The following SLC7A1 variants were observed in gnomAD, a reference collection of about 807,000 sequenced individuals.
SLC7A1 encodes the protein high affinity cationic amino acid transporter 1.
In SLC7A1, 10 loss-of-function variants were observed where a neutral mutation model predicts 53.9. The observed-to-expected ratio is 0.19, with a 90% CI of 0.11 to 0.31. The LOEUF is 0.31. Ranked by LOEUF, SLC7A1 falls within the 10% of genes least tolerant of loss-of-function variation. The probability of loss-of-function intolerance (pLI) is 1.00; values close to 1 mark genes in which losing one functional copy is unlikely to be tolerated. For synonymous variants in SLC7A1, 342 were observed against 338.7 expected, an observed-to-expected ratio of 1.01 and a Z score of -0.11; for missense variants, 525 against 827.2, an observed-to-expected ratio of 0.63 and a Z score of 4.48.
chr13:29,576,668 A>G (rs1386744491), intron 1 of SLC7A1, among the ~76,000 whole-genome samples: 1 of 152,152 alleles, frequency 6.6e-6, no homozygotes, highest in Non-Finnish European at 1.5e-5. Flanking sequence ...GGCTTCCAGG[A>G]CAACAGATGC....
chr13:29,554,825 T>C (rs1051084970), intron 1 of SLC7A1, among the ~76,000 whole-genome samples: 6 of 152,252 alleles, frequency 3.9e-5, no homozygotes, highest in African/African-American at 1.4e-4. Flanking sequence ...CTTTCATACA[T>C]TGATAATTCA....
At chr13:29,534,899 C>T (rs2139102666) in intron 3 of SLC7A1, among the ~76,000 whole-genome samples, 1 of 152,330 alleles carries the variant, frequency 6.6e-6, no homozygotes, top group Non-Finnish European at 1.5e-5. Flanking sequence ...TGTTCAACTT[C>T]AGTTGTAATC....
In SLC7A1 at chr13:29,512,962, G is replaced by A. The variant is rs1883436516; in HGVS notation, c.*1518C>T. On this transcript the variant is annotated 3_prime_UTR_variant, in exon 13 of 13. Transcript: ENST00000380752. ...TAGGAAGAAATGGAAAGGAAACTAAGTTTTGAAAGCAGCATTTCCATTTCC... is the reference window on the plus strand; with the variant it reads ...TAGGAAGAAATGGAAAGGAAACTAAATTTTGAAAGCAGCATTTCCATTTCC... The A allele has an allele frequency of 6.9e-6, 1 of 145,952 alleles. No individual in the cohort carries two copies. Among genetic ancestry groups the A allele is most frequent in the Admixed American group, 6.7e-5 (1 of 14,838 alleles). 9.0% of individuals were successfully genotyped at this position (145,952 alleles called of 1,614,324 possible).
intron 1 of SLC7A1, among the ~76,000 whole-genome samples, chr13:29,554,870 A>G (rs914532703): frequency 1.3e-5 from 2 of 152,182 alleles, no homozygotes; most frequent in East Asian, 1.9e-4. Context: ...TTCACTTTCT[A>G]TGTTGAAAAT....
intron 2 of SLC7A1, among the ~76,000 whole-genome samples, chr13:29,550,683 C>T (rs1441218495): frequency 6.6e-6 from 1 of 152,234 alleles, no homozygotes; most frequent in Non-Finnish European, 1.5e-5. Flanking sequence ...CTTCTCCAGT[C>T]AAGCCTCCAG....
chr13:29,528,001 T>C (rs1049275669), intron 5 of SLC7A1, among the ~76,000 whole-genome samples: 2 of 152,234 alleles, frequency 1.3e-5, no homozygotes, highest in African/African-American at 2.4e-5. Context: ...AGAAGTGGTG[T>C]CTGCATCTGC....
Position 29,509,817 on chromosome 13 carries a change from C to T in SLC7A1, c.*4663G>A, listed in dbSNP as rs1883341001. The T allele has an allele frequency of 6.6e-6, 1 of 152,470 alleles. No homozygotes were observed. Among genetic ancestry groups the T allele is most frequent in the South Asian group, 2.1e-4 (1 of 4,816 alleles). The allele number at this position is 152,470 out of a possible 1,614,324, so 9.4% of individuals were successfully genotyped here. ...TAGAAGAAAATATTTACTGGAGAAACCACAGCTATTCAGGTTTGATAATAA... is the reference window on the plus strand; with the variant it reads ...TAGAAGAAAATATTTACTGGAGAAATCACAGCTATTCAGGTTTGATAATAA... On this transcript the variant is annotated 3_prime_UTR_variant, in exon 13 of 13. Coordinates refer to ENST00000380752, the MANE Select transcript of SLC7A1 (RefSeq NM_003045.5).
chr13:29,527,981 A>T (rs770752042), intron 5 of SLC7A1, among the ~76,000 whole-genome samples: 8 of 152,342 alleles, frequency 5.3e-5, no homozygotes, highest in Middle Eastern at 6.8e-3. Flanking sequence ...CTGATGGAGG[A>T]TGTTTGAGCA....
chr13:29,519,783 A>G (rs1868544733), intron 8 of SLC7A1, among the ~76,000 whole-genome samples: 1 of 151,770 alleles, frequency 6.6e-6, no homozygotes, highest in South Asian at 2.1e-4. Flanking sequence ...TAACATTTGT[A>G]TAGAGAATCC....
At chr13:29,523,975 G>C (rs1338729515) in intron 6 of SLC7A1, among the ~76,000 whole-genome samples, 157 bp downstream of exon 6, 1 of 152,176 alleles carries the variant, frequency 6.6e-6, no homozygotes, top group Non-Finnish European at 1.5e-5. Flanking sequence ...TAATGGTTTG[G>C]GGGTGGGAGG....
intron 12 of SLC7A1, 26 bp downstream of exon 12, chr13:29,516,112 G>C: frequency 6.9e-7 from 1 of 1,456,352 alleles, no homozygotes; most frequent in Non-Finnish European, 9.6e-7. Context: ...CAGGATCTTG[G>C]ACGTGCTGGC....
At chr13:29,581,933 G>T (rs2139184018) in intron 1 of SLC7A1, among the ~76,000 whole-genome samples, 1 of 152,346 alleles carries the variant, frequency 6.6e-6, no homozygotes, top group East Asian at 1.9e-4. Flanking sequence ...TCAGGAATGG[G>T]ATTTTTCTTC....
At chr13:29,577,161 G>A (rs1200831447) in intron 1 of SLC7A1, among the ~76,000 whole-genome samples, 2 of 152,302 alleles carry the variant, frequency 1.3e-5, no homozygotes, top group East Asian at 1.9e-4. Flanking sequence ...CTCAATGGTC[G>A]GATGGGGCAG....
chr13:29,514,038 T>C lies in SLC7A1; in HGVS notation c.*442A>G, dbSNP rs1203095177. Reference sequence around the variant, plus strand: ...TGTGGTACTCATCTGGCTTGATTGCTGGGTGTCTGGGGCTGAGCGGGAAGA... The same window carrying C: ...TGTGGTACTCATCTGGCTTGATTGCCGGGTGTCTGGGGCTGAGCGGGAAGA... On this transcript the variant is annotated 3_prime_UTR_variant, in exon 13 of 13. Transcript: ENST00000380752. 2.8e-5 allele frequency: 5 copies of C among 175,672 alleles called. No homozygotes were observed. In the East Asian group the frequency reaches 8.2e-4, roughly 29 times the overall value. 10.9% of individuals were successfully genotyped at this position (175,672 alleles called of 1,614,324 possible).
intron 1 of SLC7A1, among the ~76,000 whole-genome samples, chr13:29,587,127 G>A (rs1050142694): frequency 2.6e-5 from 4 of 152,200 alleles, no homozygotes; most frequent in African/African-American, 9.6e-5. Context: ...GACCTTCAGA[G>A]GCCCATTTTC....
At chr13:29,590,935 C>T (rs1278711082) in intron 1 of SLC7A1, among the ~76,000 whole-genome samples, 1 of 152,038 alleles carries the variant, frequency 6.6e-6, no homozygotes, top group Non-Finnish European at 1.5e-5. Context: ...GAGATCCCTT[C>T]TCTACCAAAA....
chr13:29,532,849 T>G lies in SLC7A1; in HGVS notation c.504A>C (p.Ala168=), dbSNP rs773724865. The part of the protein sequence containing the change: ...GVLAENPDIF[A]VIIILILTGL... Reference sequence around the variant, plus strand: ...CTGTCAAGATGAGAATTATGATCACTGCGAATATGTCGGGGTTTTCAGCCA... The same window carrying G: ...CTGTCAAGATGAGAATTATGATCACGGCGAATATGTCGGGGTTTTCAGCCA... The change falls in exon 4 of 13, where the codon GCA becomes GCC. Residue 168 remains alanine, a synonymous_variant. Coordinates refer to ENST00000380752, the MANE Select transcript of SLC7A1 (RefSeq NM_003045.5). 6.2e-7 allele frequency: 1 copy of G among 1,613,932 alleles called. No individual in the cohort carries two copies. Among genetic ancestry groups the G allele is most frequent in the Non-Finnish European group, 8.5e-7 (1 of 1,179,912 alleles).
At chr13:29,517,931 T>C (rs1868433354) in intron 9 of SLC7A1, 141 bp from the exon 10 acceptor site, 1 of 670,676 alleles carries the variant, frequency 1.5e-6, no homozygotes, top group East Asian at 2.7e-5. Context: ...AAATGCTGCA[T>C]TGTAGATAGA....
intron 2 of SLC7A1, among the ~76,000 whole-genome samples, chr13:29,549,326 A>G (rs898575570): frequency 1.3e-5 from 2 of 152,224 alleles, no homozygotes; most frequent in Admixed American, 1.3e-4. Flanking sequence ...ATGCGGGACC[A>G]GTGCCATTCC....
Sources: allele counts gnomAD v4.1 joint callset (sites outside exome capture counted in the v4.1 genomes callset), GRCh38; gene constraint gnomAD v4.1.1; transcripts MANE v1.5; gene names NCBI Gene and HGNC (gene_info 2026-07-23, HGNC 2026-07-21).